BAIAP3: variants seen among roughly 807,000 people sequenced by gnomAD.
The protein encoded by BAIAP3 is BAI1-associated protein 3.
Under a neutral mutation model 149.7 loss-of-function variants are expected in BAIAP3, and 180 were observed. The ratio of observed to expected loss-of-function variants is 1.20; its 90% CI spans 1.07 to 1.36. The LOEUF (loss-of-function observed/expected upper bound fraction) is 1.36. BAIAP3 is among the 40% of genes most tolerant of loss of function. The pLI, the probability that BAIAP3 is intolerant of heterozygous loss-of-function variation, is 0.00. For missense variants in BAIAP3, 1,767 were observed against 1,563.4 expected (o/e 1.13, Z -2.20); for synonymous variants, 845 against 670.7 (o/e 1.26, Z -4.02).
rs768560075 is a variant in BAIAP3 at position 1,343,377 on chromosome 16, G to A, written c.1266-16G>A. On this transcript the variant is annotated splice_polypyrimidine_tract_variant and intron_variant, in intron 14 of 33. Coordinates refer to ENST00000426824, the MANE Select transcript of BAIAP3 (RefSeq NM_001199097.2). ...GGCGGGGTTCATACCCTTTGACCATGGGCCGGGCCCCACAGGCACTGGCAG... is the reference window on the plus strand; with the variant it reads ...GGCGGGGTTCATACCCTTTGACCATAGGCCGGGCCCCACAGGCACTGGCAG... 1.9e-6 allele frequency: 3 copies of A among 1,577,172 alleles called. No homozygotes were observed. Among genetic ancestry groups the A allele is most frequent in the East Asian group, 2.3e-5 (1 of 43,056 alleles).
intron 14 of BAIAP3, 140 bp from the exon 15 acceptor site, chr16:1,343,253 C>T: frequency 1.5e-6 from 2 of 1,316,888 alleles, no homozygotes; most frequent in Non-Finnish European, 2.1e-6. Context: ...AATTGGAGGG[C>T]AGGGAAAGGG....
intron 8 of BAIAP3, 138 bp downstream of exon 8, chr16:1,341,627 G>A: frequency 7.8e-7 from 1 of 1,288,206 alleles, no homozygotes; most frequent in East Asian, 2.4e-5. Flanking sequence ...GGAGAAAACT[G>A]AGGCCCAGAG....
At chr16:1,338,864 G>A (rs138846734) in intron 2 of BAIAP3, 38 bp from the exon 3 acceptor site, 199 of 1,611,012 alleles carry the variant, frequency 1.2e-4, no homozygotes, top group Admixed American at 2.0e-4. Flanking sequence ...AGGGGCCAGC[G>A]TGCTGAGAGC....
In BAIAP3 at chr16:1,349,231, A is replaced by C; in HGVS notation, c.*749A>C. On this transcript the variant is annotated 3_prime_UTR_variant, in exon 34 of 34. Transcript: ENST00000426824. ...CAGGCCCAGTGTGAAAAACAGACTC[A>C]CAAGGGGCTTCTTGGCCTGCAGCTT... 1 of 638,256 alleles carries C rather than the reference A, an allele frequency of 1.6e-6. No individual in the cohort carries two copies. Among genetic ancestry groups the C allele is most frequent in the East Asian group, 2.7e-5 (1 of 37,374 alleles). The allele number at this position is 638,256 out of a possible 1,614,324, so 39.5% of individuals were successfully genotyped here.
At position 1,339,231 on chromosome 16, in the gene BAIAP3, T is replaced by C. The variant is rs2033685836; in HGVS notation, c.287T>C (p.Leu96Pro). 1.9e-6 allele frequency: 3 copies of C among 1,564,400 alleles called. No homozygotes were observed. Among genetic ancestry groups the C allele is most frequent in the Admixed American group, 1.9e-5 (1 of 51,892 alleles). The change falls in exon 4 of 34, where the codon CTG becomes CCG. Residue 96 changes from leucine (L) to proline (P), a missense_variant. By Grantham distance (98) the Leu-to-Pro change is moderately conservative (BLOSUM62 -3). Coordinates refer to ENST00000426824, the MANE Select transcript of BAIAP3 (RefSeq NM_001199097.2). ...PVDPSLGLRA[L>P]APEEVEMLYE... ...GATCCCAGCCTCGGCCTGAGAGCCCTGGCCCCAGAGGAGGTAAAGGTGGGG... is the reference window on the plus strand; with the variant it reads ...GATCCCAGCCTCGGCCTGAGAGCCCCGGCCCCAGAGGAGGTAAAGGTGGGG...
Position 1,348,032 on chromosome 16 carries a change from C to T in BAIAP3, c.3149+15C>T, listed in dbSNP as rs1478669447. ...CTCTTCTACTTGTGAGTGTCCTAAG[C>T]CCCAGCCCCAGCCCCAGGCTCCAGG... On this transcript the variant is annotated intron_variant, in intron 32 of 33. Coordinates refer to ENST00000426824, the MANE Select transcript of BAIAP3 (RefSeq NM_001199097.2). 2 of 1,600,678 alleles carry T rather than the reference C, an allele frequency of 1.2e-6. No individual in the cohort carries two copies. The highest frequency in any genetic ancestry group is 2.2e-5 in the East Asian group (1 of 44,578).
intron 2 of BAIAP3, 71 bp downstream of exon 2, chr16:1,338,751 C>T: frequency 6.4e-7 from 1 of 1,566,196 alleles, no homozygotes; most frequent in African/African-American, 1.4e-5. Context: ...CATGGCCGCC[C>T]CTGCCCCAGC....
chr16:1,340,943 G>C lies in BAIAP3; in HGVS notation c.430G>C (p.Glu144Gln). 6.3e-7 allele frequency: 1 copy of C among 1,580,694 alleles called. No homozygotes were observed. Among genetic ancestry groups the C allele is most frequent in the East Asian group, 2.3e-5 (1 of 43,154 alleles). Reference sequence around the variant, plus strand: ...ACAGGTGTTTGGCACCAGCCTTGAGGAGCACACTGAGGCCATCGAGCGAGT... The same window carrying C: ...ACAGGTGTTTGGCACCAGCCTTGAGCAGCACACTGAGGCCATCGAGCGAGT... ...LQQVFGTSLE[E>Q]HTEAIERVRK... The change falls in exon 6 of 34, where the codon GAG becomes CAG. Residue 144 changes from glutamate (E) to glutamine (Q), a missense_variant. Transcript: ENST00000426824.
Position 1,349,388 on chromosome 16 carries a change from T to C in BAIAP3, c.*906T>C. On this transcript the variant is annotated 3_prime_UTR_variant, in exon 34 of 34. Coordinates refer to ENST00000426824, the MANE Select transcript of BAIAP3 (RefSeq NM_001199097.2). ...CAGGCCCATTTATGTCCCTCATGTC[T>C]CTAGATTTTCTCGTCACCCAGCCTC... 6.2e-7 allele frequency: 1 copy of C among 1,608,374 alleles called. No homozygotes were observed. The highest frequency in any genetic ancestry group is 8.5e-7 in the Non-Finnish European group (1 of 1,175,444).
At chr16:1,338,449 T>G in intron 1 of BAIAP3, 91 bp from the exon 2 acceptor site, 1 of 285,974 alleles carries the variant, frequency 3.5e-6, no homozygotes, top group Non-Finnish European at 7.1e-6. Flanking sequence ...CCCCACCTCT[T>G]CCCGCCCCAC....
At chr16:1,334,810 G>C in intron 1 of BAIAP3, 1 of 1,477,932 alleles carries the variant, frequency 6.8e-7, no homozygotes, top group Non-Finnish European at 9.2e-7. Flanking sequence ...GTGAAGGGGA[G>C]TCGGGGGGCT....
In BAIAP3 at chr16:1,344,618, G is replaced by C. The variant is rs751978685; in HGVS notation, c.1677G>C (p.Leu559=). 3 of 1,613,196 alleles carry C rather than the reference G, an allele frequency of 1.9e-6. No individual in the cohort carries two copies. In the Admixed American group the frequency reaches 5.0e-5, roughly 27 times the overall value. ...SPREQPGPQR[L]PGLVVLADAV... The stretch of plus-strand genomic sequence containing the variant: ...CCTTGCAGCCAGGACCACAGCGCCT[G>C]CCTGGGCTGGTTGTGCTGGCTGACG... Residue 559 remains leucine (L), a synonymous_variant, in exon 19 of 34, where the codon CTG becomes CTC. Transcript: ENST00000426824.
At chr16:1,345,663 C>T (rs1220363240) in intron 22 of BAIAP3, 84 bp from the exon 23 acceptor site, 1 of 709,582 alleles carries the variant, frequency 1.4e-6, no homozygotes, top group Admixed American at 2.5e-5. Context: ...TCCGCAACCC[C>T]AGCCTCCCCC....
rs2033281675 is a variant in BAIAP3, at chr16:1,333,758, C to A, written c.-11+9C>A. On this transcript the variant is annotated intron_variant, in intron 1 of 33. Transcript: ENST00000426824. ...CCCCGCGCCGGCCCACGGTAAGTGCCGCGGGCTGCGGCCAGTGCTGTTGGG... is the reference window on the plus strand; with the variant it reads ...CCCCGCGCCGGCCCACGGTAAGTGCAGCGGGCTGCGGCCAGTGCTGTTGGG... 1 of 152,010 alleles carries A rather than the reference C, an allele frequency of 6.6e-6. No homozygotes were observed. The highest frequency in any genetic ancestry group is 2.1e-4 in the South Asian group (1 of 4,834). The allele number at this position is 152,010 out of a possible 1,614,324, so 9.4% of individuals were successfully genotyped here.
Position 1,338,458 on chromosome 16 carries a change from A to ACCCCCCCCCCCC in BAIAP3, c.-10-75_-10-74insCCCCCCCCCCCC. On this transcript the variant is annotated intron_variant, in intron 1 of 33. Coordinates refer to ENST00000426824, the MANE Select transcript of BAIAP3 (RefSeq NM_001199097.2). Reference sequence around the variant, plus strand: ...CCTCTGCCCCACCTCTTCCCGCCCCACCCCCCCACCCCCCCGCCTGCTGTG... The same window carrying ACCCCCCCCCCCC: ...CCTCTGCCCCACCTCTTCCCGCCCCACCCCCCCCCCCCCCCCCCCACCCCCCCGCCTGCTGTG... 2 of 121,368 alleles carry ACCCCCCCCCCCC rather than the reference A, an allele frequency of 1.6e-5. 1 individual carries two copies. Among genetic ancestry groups the ACCCCCCCCCCCC allele is most frequent in the Non-Finnish European group, 3.4e-5 (2 of 59,242 alleles). The allele number at this position is 121,368 out of a possible 1,614,324, so 7.5% of individuals were successfully genotyped here.
In BAIAP3 at chr16:1,338,627, G is replaced by T. The variant is rs761728589; in HGVS notation, c.78G>T (p.Glu26Asp). The T allele has an allele frequency of 1.9e-6, 3 of 1,601,706 alleles. No individual in the cohort carries two copies. In the East Asian group the frequency reaches 6.8e-5, roughly 36 times the overall value. ...GCCCGTCCTTCCGCCGCAGGACTGA[G>T]CAGGACCCAGGGAGTGCCAGCGCCG... ...QVCPSFRRRTEQDPGSASADP... is the reference protein window; with the variant it reads ...QVCPSFRRRTDQDPGSASADP... Residue 26 changes from glutamate (E) to aspartate (D), a missense_variant, in exon 2 of 34, where the codon GAG (glutamate) becomes GAT (aspartate). Glu to Asp is a conservative substitution (Grantham distance 45, BLOSUM62 2). Coordinates refer to ENST00000426824, the MANE Select transcript of BAIAP3 (RefSeq NM_001199097.2).
chr16:1,341,683 G>A, intron 8 of BAIAP3, 139 bp from the exon 9 acceptor site: 3 of 1,188,878 alleles, frequency 2.5e-6, no homozygotes, highest in East Asian at 2.4e-5. Flanking sequence ...ACACCTGGCG[G>A]GATCAGGATT....
At chr16:1,334,643 T>C in intron 1 of BAIAP3, 1 of 1,543,914 alleles carries the variant, frequency 6.5e-7, no homozygotes. Flanking sequence ...AGAATGCAGA[T>C]TCCCGGGGTT....
chr16:1,335,613 C>T lies in BAIAP3; in HGVS notation c.-11+1864C>T, dbSNP rs570306091. ...TGTGGCAGGTGGCTCCCAGGGCCCA[C>T]GCAGTTGGCTGCAGCCAGGCTATCA... On this transcript the variant is annotated intron_variant, in intron 1 of 33. Coordinates refer to ENST00000426824, the MANE Select transcript of BAIAP3 (RefSeq NM_001199097.2). Among the ~76,000 whole-genome samples the T allele has an allele frequency of 5.3e-5, 8 of 152,314 alleles. No individual in the cohort carries two copies. The South Asian group carries it at 1.2e-3, about 24-fold the overall frequency.
Sources: allele counts gnomAD v4.1 joint callset (sites outside exome capture counted in the v4.1 genomes callset), GRCh38; gene constraint gnomAD v4.1.1; transcripts MANE v1.5; gene names NCBI Gene and HGNC (gene_info 2026-07-23, HGNC 2026-07-21).